The following ATRNL1 variants were observed in gnomAD, a reference collection of about 807,000 sequenced individuals.
ATRNL1 encodes attractin like 1, also known as attractin-like protein 1.
ATRNL1 carries 95 observed loss-of-function variants against 182.7 expected under a neutral mutation model. The observed-to-expected ratio is 0.52, with a 90% CI of 0.44 to 0.62. The LOEUF is 0.62. ATRNL1 is among the 20% of genes least tolerant of loss of function. ATRNL1 has a pLI of 0.00. For synonymous variants in ATRNL1, 576 were observed against 568.3 expected (o/e 1.01, Z -0.19); for missense variants, 1,471 against 1,679.5 (o/e 0.88, Z 2.17).
chr10:115,737,501 T>TA (rs1401122563), intron 27 of ATRNL1, among the ~76,000 whole-genome samples: 3 of 152,090 alleles, frequency 2.0e-5, no homozygotes, highest in Non-Finnish European at 4.4e-5. Flanking sequence ...AGGCCCTACT[T>TA]ACACTATCTG....
intron 28 of ATRNL1, among the ~76,000 whole-genome samples, chr10:115,891,759 G>A (rs564689260): frequency 1.3e-4 from 20 of 152,030 alleles, no homozygotes; most frequent in Non-Finnish European, 2.2e-4. Context: ...TTGTTTTACC[G>A]GTTAGATTAT....
At chr10:115,580,669 A>G (rs868913894) in intron 26 of ATRNL1, among the ~76,000 whole-genome samples, 1 of 144,498 alleles carries the variant, frequency 6.9e-6, no homozygotes, top group Admixed American at 7.4e-5. Flanking sequence ...ATTTCTTTAA[A>G]TACTCTTTTT....
At chr10:115,752,704 T>C (rs1384924787) in intron 27 of ATRNL1, among the ~76,000 whole-genome samples, 3 of 152,062 alleles carry the variant, frequency 2.0e-5, no homozygotes, top group African/African-American at 7.2e-5. Context: ...TTGTAGTACG[T>C]TGAGCACTTT....
chr10:115,827,675 A>G (rs1341061406), intron 27 of ATRNL1, among the ~76,000 whole-genome samples: 1 of 152,224 alleles, frequency 6.6e-6, no homozygotes, highest in Non-Finnish European at 1.5e-5. Context: ...TATGAAATTT[A>G]GAGAAGAGAT....
intron 26 of ATRNL1, among the ~76,000 whole-genome samples, chr10:115,623,746 G>A (rs903977800): frequency 6.6e-6 from 1 of 152,032 alleles, no homozygotes; most frequent in African/African-American, 2.4e-5. Flanking sequence ...ATAGATGAAA[G>A]AGAAGGTATA....
intron 26 of ATRNL1, among the ~76,000 whole-genome samples, chr10:115,641,060 C>A (rs558473392): frequency 6.6e-6 from 1 of 152,110 alleles, no homozygotes; most frequent in African/African-American, 2.4e-5. Flanking sequence ...AAGGTAGGAA[C>A]AAAATGCAGT....
Position 115,549,499 on chromosome 10 carries a change from A to G in ATRNL1, c.3758A>G (p.Lys1253Arg). 6.2e-7 allele frequency: 1 copy of G among 1,603,826 alleles called. No individual in the cohort carries two copies. The highest frequency in any genetic ancestry group is 8.5e-7 in the Non-Finnish European group (1 of 1,174,524). The change falls in exon 26 of 29, where the codon AAG becomes AGG. Residue 1253 changes from lysine to arginine, a missense_variant. This residue lies in a region of ATRNL1 where 437 missense variants were observed against 506.0 expected (regional missense o/e 0.86). Coordinates refer to ENST00000355044, the MANE Select transcript of ATRNL1 (RefSeq NM_207303.4). ...SLLLVAAVVW[K>R]IKQTCWASRR... is the part of the protein sequence containing the mutation. ...TTGCTGGTGGCTGCTGTGGTATGGA[A>G]GATCAAACAAACTTGTTGGGCTTCT...
At chr10:115,940,741 G>A (rs1373701375) in intron 28 of ATRNL1, among the ~76,000 whole-genome samples, 3 of 149,902 alleles carry the variant, frequency 2.0e-5, no homozygotes, top group African/African-American at 7.3e-5. Flanking sequence ...ACACACTATC[G>A]AATTCAATAA....
intron 27 of ATRNL1, among the ~76,000 whole-genome samples, chr10:115,818,916 A>G (rs1465683473): frequency 1.3e-5 from 2 of 152,172 alleles, no homozygotes; most frequent in East Asian, 1.9e-4. Flanking sequence ...TCTATTGTCC[A>G]GTGGCAGATT....
chr10:115,760,361 G>A (rs536920769), intron 27 of ATRNL1, among the ~76,000 whole-genome samples: 1 of 152,066 alleles, frequency 6.6e-6, no homozygotes, highest in South Asian at 2.1e-4. Context: ...CAAAAAGACA[G>A]CAGATGAATG....
intron 26 of ATRNL1, among the ~76,000 whole-genome samples, chr10:115,590,349 C>G (rs998735689): frequency 8.6e-5 from 13 of 152,034 alleles, no homozygotes; most frequent in Non-Finnish European, 1.9e-4. Context: ...AAGTTCTTTT[C>G]TTTGGCAGTT....
chr10:115,449,186 A>T (rs1398886033), intron 21 of ATRNL1, among the ~76,000 whole-genome samples: 1 of 152,150 alleles, frequency 6.6e-6, no homozygotes, highest in Non-Finnish European at 1.5e-5. Flanking sequence ...CACTCCCCTG[A>T]TTCTGTACCC....
At chr10:115,598,344 A>G (rs530214345) in intron 26 of ATRNL1, among the ~76,000 whole-genome samples, 1 of 66,252 alleles carries the variant, frequency 1.5e-5, no homozygotes, top group African/African-American at 5.8e-5. Flanking sequence ...TTATTTATTT[A>G]AAAAAATTAT....
intron 1 of ATRNL1, among the ~76,000 whole-genome samples, chr10:115,113,303 G>A (rs1220056907): frequency 2.0e-5 from 3 of 152,146 alleles, no homozygotes; most frequent in African/African-American, 7.2e-5. Context: ...CCATGACAAT[G>A]CTTCTGTTCA....
chr10:115,324,119 C>T (rs565074731), intron 18 of ATRNL1, among the ~76,000 whole-genome samples: 28 of 152,202 alleles, frequency 1.8e-4, no homozygotes, highest in Non-Finnish European at 3.4e-4. Flanking sequence ...AATCAACTCT[C>T]TCTCTTTTTT....
chr10:115,853,559 T>C (rs1372393142), intron 28 of ATRNL1, among the ~76,000 whole-genome samples: 1 of 152,220 alleles, frequency 6.6e-6, no homozygotes, highest in Non-Finnish European at 1.5e-5. Flanking sequence ...ACTTTGTTTT[T>C]CTTTTATAAT....
chr10:115,223,164 C>T (rs1338623286), intron 9 of ATRNL1, among the ~76,000 whole-genome samples: 12 of 152,070 alleles, frequency 7.9e-5, no homozygotes, highest in Admixed American at 5.9e-4. Context: ...GCTTGTAGTC[C>T]CAGCTACTTG....
intron 17 of ATRNL1, among the ~76,000 whole-genome samples, chr10:115,310,057 A>G (rs782415154): frequency 1.1e-4 from 16 of 152,252 alleles, no homozygotes; most frequent in Non-Finnish European, 1.9e-4. Context: ...GTTTTTAATT[A>G]TAAAGATATG....
chr10:115,457,251 A>G (rs1413577984), intron 21 of ATRNL1, among the ~76,000 whole-genome samples: 1 of 151,972 alleles, frequency 6.6e-6, no homozygotes, highest in African/African-American at 2.4e-5. Flanking sequence ...TGGGGTTTTT[A>G]TGGGCTTAAA....
Sources: gnomAD v4.1 joint callset for allele counts (sites outside exome capture counted in the v4.1 genomes callset) on GRCh38, gnomAD v4.1.1 for gene constraint, gnomAD v4.1.1 regional missense constraint, MANE v1.5 for transcripts, NCBI Gene and HGNC (gene_info 2026-07-23, HGNC 2026-07-21) for gene names.